RABGAP1: variants seen among roughly 807,000 people sequenced by gnomAD.
RABGAP1 encodes RAB GTPase activating protein 1.
In RABGAP1, 23 loss-of-function variants were observed where a neutral mutation model predicts 137.6. The ratio of observed to expected loss-of-function variants is 0.17; its 90% CI spans 0.12 to 0.24. The LOEUF (loss-of-function observed/expected upper bound fraction) is 0.24, where lower values mean the gene tolerates loss of function less well. RABGAP1 is among the 10% of genes least tolerant of loss of function. The probability of loss-of-function intolerance (pLI) is 1.00; values close to 1 mark genes in which losing one functional copy is unlikely to be tolerated. For synonymous variants in RABGAP1, 451 were observed against 450.7 expected (o/e 1.00, Z -0.01); for missense variants, 906 against 1,275.8 (o/e 0.71, Z 4.42).
intron 13 of RABGAP1, among the ~76,000 whole-genome samples, chr9:123,043,506 G>A (rs1194436293): frequency 1.3e-5 from 2 of 152,144 alleles, no homozygotes; most frequent in East Asian, 3.9e-4. Context: ...GAAAAAAATA[G>A]AAAATTGAAG....
At chr9:122,974,923 T>C (rs1437111801) in intron 2 of RABGAP1, among the ~76,000 whole-genome samples, 1 of 152,234 alleles carries the variant, frequency 6.6e-6, no homozygotes, top group Non-Finnish European at 1.5e-5. Context: ...AGAATGAGTG[T>C]GTAAGCAGGT....
At position 123,034,435 on chromosome 9, in the gene RABGAP1, G is replaced by A. The variant is rs2032494304; in HGVS notation, c.1794+13976G>A. On this transcript the variant is annotated intron_variant, in intron 13 of 25. Coordinates refer to ENST00000373647, the MANE Select transcript of RABGAP1 (RefSeq NM_012197.4). Reference sequence around the variant, plus strand: ...ATGCACCAGAGCAGCAGCATCAGGAGCTTGGGGAGTAAGGCTCCTCTGGCA... The same window carrying A: ...ATGCACCAGAGCAGCAGCATCAGGAACTTGGGGAGTAAGGCTCCTCTGGCA... 18 of 658,438 alleles carry A rather than the reference G, an allele frequency of 2.7e-5. No individual in the cohort carries two copies. In the South Asian group the frequency reaches 3.3e-4, roughly 12 times the overall value. The allele number at this position is 658,438 out of a possible 1,614,324, so 40.8% of individuals were successfully genotyped here. A position where few individuals can be genotyped will look rare whatever the true frequency, so the allele number is the denominator to read the frequency against.
intron 10 of RABGAP1, among the ~76,000 whole-genome samples, chr9:123,009,541 C>T (rs1317189563): frequency 6.6e-6 from 1 of 152,054 alleles, no homozygotes; most frequent in Admixed American, 6.6e-5. Flanking sequence ...TTTTATTCTT[C>T]CCTATATTTC....
intron 24 of RABGAP1, among the ~76,000 whole-genome samples, chr9:123,101,012 G>A (rs1417395999): frequency 2.6e-5 from 4 of 152,088 alleles, no homozygotes; most frequent in Non-Finnish European, 5.9e-5. Context: ...TTTTCTTAGA[G>A]GAACATAAAA....
chr9:123,068,674 G>A lies in RABGAP1; in HGVS notation c.1909-1676G>A, dbSNP rs555648987. 4.1e-5 allele frequency among the ~76,000 whole-genome samples: 5 copies of A among 120,838 alleles called. No homozygotes were observed. In the East Asian group the frequency reaches 1.2e-3, roughly 30 times the overall value. The allele number at this position is 120,838 out of a possible 152,430, so 79.3% of individuals were successfully genotyped here. A position where few individuals can be genotyped will look rare whatever the true frequency, so the allele number is the denominator to read the frequency against. On this transcript the variant is annotated intron_variant, in intron 14 of 25. Transcript: ENST00000373647. Reference sequence around the variant, plus strand: ...GAAAAGTATGTATGTTTCTCATCCTGTAGCCTTCTTATCAGATAAACTGAA... The same window carrying A: ...GAAAAGTATGTATGTTTCTCATCCTATAGCCTTCTTATCAGATAAACTGAA...
chr9:123,026,542 C>G (rs2031980860), intron 13 of RABGAP1, among the ~76,000 whole-genome samples: 1 of 152,060 alleles, frequency 6.6e-6, no homozygotes, highest in Non-Finnish European at 1.5e-5. Flanking sequence ...ACCAAGCACC[C>G]CTGGTAGTCT....
chr9:122,950,723 G>C (rs768557420), intron 1 of RABGAP1, among the ~76,000 whole-genome samples: 1 of 151,968 alleles, frequency 6.6e-6, no homozygotes, highest in Non-Finnish European at 1.5e-5. Context: ...ATACTGAATA[G>C]AAGAAAAAGA....
At chr9:122,936,155 G>T (rs1833384574), upstream of RABGAP1, among the ~76,000 whole-genome samples, 1 of 151,952 alleles carries the variant, frequency 6.6e-6, no homozygotes. Flanking sequence ...TCTTGGATTT[G>T]TATATCATGT....
chr9:123,065,699 A>G, intron 14 of RABGAP1: 1 of 443,638 alleles, frequency 2.3e-6, no homozygotes, highest in Non-Finnish European at 4.1e-6. Flanking sequence ...TTTAGATGAC[A>G]GTTCCCTGGC....
chr9:123,027,191 A>G (rs937078246), intron 13 of RABGAP1, among the ~76,000 whole-genome samples: 1 of 142,732 alleles, frequency 7.0e-6, no homozygotes, highest in Admixed American at 7.7e-5. Context: ...ATCTTGGCTC[A>G]CTGGAACTTC....
rs937405828 is a variant in RABGAP1, at chr9:122,997,120, A to G, written c.1102-139A>G. Reference sequence around the variant, plus strand: ...ATAATTGTCACATTTTTTACCATAAATGTAATCATTCACATACACTTATCC... The same window carrying G: ...ATAATTGTCACATTTTTTACCATAAGTGTAATCATTCACATACACTTATCC... On this transcript the variant is annotated intron_variant, in intron 8 of 25. Coordinates refer to ENST00000373647, the MANE Select transcript of RABGAP1 (RefSeq NM_012197.4). 6.3e-6 allele frequency: 4 copies of G among 635,674 alleles called. No homozygotes were observed. The African/African-American group carries it at 7.4e-5, about 12-fold the overall frequency. 39.4% of individuals were successfully genotyped at this position (635,674 alleles called of 1,614,324 possible). A position where few individuals can be genotyped will look rare whatever the true frequency, so the allele number is the denominator to read the frequency against.
At chr9:123,081,257 G>A (rs2034697644) in intron 19 of RABGAP1, among the ~76,000 whole-genome samples, 1 of 152,084 alleles carries the variant, frequency 6.6e-6, no homozygotes, top group African/African-American at 2.4e-5. Flanking sequence ...TAAGCCATTA[G>A]TAAGTAAATT....
chr9:123,024,075 CA>C (rs2031812421), intron 13 of RABGAP1, among the ~76,000 whole-genome samples: 1 of 152,114 alleles, frequency 6.6e-6, no homozygotes, highest in African/African-American at 2.4e-5. Context: ...AACCCAAGGA[CA>C]AATGACCTTT....
intron 21 of RABGAP1, among the ~76,000 whole-genome samples, chr9:123,091,402 C>G (rs1367770098): frequency 6.6e-6 from 1 of 152,164 alleles, no homozygotes; most frequent in African/African-American, 2.4e-5. Flanking sequence ...TCATTTAGTT[C>G]TCCTAGGTAG....
chr9:123,102,227 A>T (rs1168720396), intron 25 of RABGAP1, among the ~76,000 whole-genome samples: 1 of 152,172 alleles, frequency 6.6e-6, no homozygotes, highest in African/African-American at 2.4e-5. Context: ...TCCAGTTCCC[A>T]CCACTTAACT....
chr9:123,057,480 C>T (rs1345938394), intron 13 of RABGAP1, among the ~76,000 whole-genome samples: 2 of 151,694 alleles, frequency 1.3e-5, no homozygotes, highest in African/African-American at 4.8e-5. Context: ...ATGCTCCTCA[C>T]TTCCTAGATG....
chr9:123,035,841 C>T, intron 13 of RABGAP1: 1 of 471,776 alleles, frequency 2.1e-6, no homozygotes, highest in Non-Finnish European at 3.7e-6. Flanking sequence ...ATCATGAAGA[C>T]AAATTGCTCT....
chr9:122,986,493 G>A (rs940826960), intron 4 of RABGAP1, 74 bp downstream of exon 4: 1 of 1,454,134 alleles, frequency 6.9e-7, no homozygotes, highest in African/African-American at 1.4e-5. Flanking sequence ...AGAAGCAATA[G>A]TGAATAAAAT....
At chr9:123,015,449 TAA>T (rs1274098809) in intron 11 of RABGAP1, 92 bp from the exon 12 acceptor site, 2 of 722,004 alleles carry the variant, frequency 2.8e-6, no homozygotes, top group African/African-American at 3.6e-5. Flanking sequence ...ATGCTCCCAG[TAA>T]AGTCTTTCAA....
Sources: allele counts gnomAD v4.1 joint callset (sites outside exome capture counted in the v4.1 genomes callset), GRCh38; gene constraint gnomAD v4.1.1; transcripts MANE v1.5; gene names NCBI Gene and HGNC (gene_info 2026-07-23, HGNC 2026-07-21).